The following TMC5 variants were observed in gnomAD, a reference collection of about 807,000 sequenced individuals.
TMC5 encodes the protein transmembrane channel-like protein 5.
A neutral mutation model predicts 110.5 loss-of-function variants in TMC5; 86 were observed. The observed-to-expected ratio is 0.78, with a 90% CI of 0.65 to 0.93. The LOEUF (loss-of-function observed/expected upper bound fraction) is 0.93, where lower values mean the gene tolerates loss of function less well. TMC5 is among the 40% of genes least tolerant of loss of function. The probability of loss-of-function intolerance (pLI) is 0.00; values close to 1 mark genes in which losing one functional copy is unlikely to be tolerated. For missense variants in TMC5, 1,144 were observed against 1,222.8 expected, an observed-to-expected ratio of 0.94 and a Z score of 0.96; for synonymous variants, 455 against 439.5, an observed-to-expected ratio of 1.04 and a Z score of -0.44.
intron 1 of TMC5, chr16:19,411,421 A>G (rs1966855549): frequency 6.6e-6 from 1 of 152,162 alleles, no homozygotes; most frequent in African/African-American, 2.4e-5. Context: ...AATCTACGAA[A>G]TAGGGTCTCC....
rs774765487 is a variant in TMC5 at position 19,490,351 on chromosome 16, C to G, written c.2574-44C>G. 8 of 1,600,174 alleles carry G rather than the reference C, an allele frequency of 5.0e-6. No homozygotes were observed. The South Asian group carries it at 6.7e-5, about 13-fold the overall frequency. On this transcript the variant is annotated intron_variant, in intron 17 of 21. Coordinates refer to ENST00000542583, the MANE Select transcript of TMC5 (RefSeq NM_001261841.2). Reference sequence around the variant, plus strand: ...CACCCTGATTCTAGAATAACCATCCCTGAGTCTTGTGCTAGAGATGTTCTT... The same window carrying G: ...CACCCTGATTCTAGAATAACCATCCGTGAGTCTTGTGCTAGAGATGTTCTT...
intron 1 of TMC5, among the ~76,000 whole-genome samples, chr16:19,412,707 G>A (rs888028726): frequency 3.3e-5 from 5 of 152,246 alleles, no homozygotes; most frequent in East Asian, 3.9e-4. Context: ...TGAAACACTC[G>A]GAACAGTGCC....
rs1174324935 is a variant in TMC5 at position 19,497,158 on chromosome 16, G to T, written c.2969G>T (p.Ser990Ile). 1 of 1,613,848 alleles carries T rather than the reference G, an allele frequency of 6.2e-7. No individual in the cohort carries two copies. The highest frequency in any genetic ancestry group is 1.7e-5 in the Admixed American group (1 of 60,016). The change falls in exon 21 of 22, where the codon AGT becomes ATT. Residue 990 changes from serine to isoleucine, a missense_variant. Coordinates refer to ENST00000542583, the MANE Select transcript of TMC5 (RefSeq NM_001261841.2). The part of the protein sequence containing the change: ...GFLHLGEHDG[S>I]LDLRSRRSVQ... ...TTGCATTTGGGGGAACATGATGGCA[G>T]TCTTGGTGAGTAATTAAACTGGGAC...
chr16:19,473,127 C>A (rs1027523790), intron 11 of TMC5, among the ~76,000 whole-genome samples: 12 of 152,092 alleles, frequency 7.9e-5, no homozygotes, highest in Non-Finnish European at 1.8e-4. Flanking sequence ...AGGCAGATCA[C>A]TTGAGATCAG....
chr16:19,436,983 C>G (rs537706947), intron 2 of TMC5, among the ~76,000 whole-genome samples: 3 of 152,204 alleles, frequency 2.0e-5, no homozygotes, highest in South Asian at 2.1e-4. Context: ...TGAAACCAGC[C>G]TGGGCAACAT....
chr16:19,447,525 A>G (rs1967640853), intron 4 of TMC5, among the ~76,000 whole-genome samples: 1 of 152,142 alleles, frequency 6.6e-6, no homozygotes, highest in African/African-American at 2.4e-5. Context: ...ATCATTTCAC[A>G]TGTGTTCACT....
chr16:19,439,921 GA>G (rs1283817492), intron 2 of TMC5, 38 bp from the exon 3 acceptor site: 15 of 897,316 alleles, frequency 1.7e-5, no homozygotes, highest in Middle Eastern at 3.6e-4. Context: ...GGAAGAAAGG[GA>G]AAAAAATCTG....
chr16:19,474,542 G>C (rs1168991227), intron 12 of TMC5, among the ~76,000 whole-genome samples: 1 of 152,022 alleles, frequency 6.6e-6, no homozygotes, highest in Admixed American at 6.6e-5. Flanking sequence ...TGGATGCAGT[G>C]GCATGCACCT....
chr16:19,452,250 T>C (rs1267206801), intron 5 of TMC5, among the ~76,000 whole-genome samples: 1 of 152,180 alleles, frequency 6.6e-6, no homozygotes, highest in Admixed American at 6.5e-5. Context: ...GATGAAGAGA[T>C]GCATTAGGTG....
chr16:19,463,257 T>G (rs1481422784), intron 6 of TMC5, 23 bp from the exon 7 acceptor site: 1 of 1,578,926 alleles, frequency 6.3e-7, no homozygotes, highest in Non-Finnish European at 8.7e-7. Context: ...GTATCTCTCA[T>G]TTTCTCTTGC....
chr16:19,414,396 G>A (rs151098192), upstream of TMC5, among the ~76,000 whole-genome samples: 4 of 152,192 alleles, frequency 2.6e-5, no homozygotes, highest in African/African-American at 9.6e-5. Context: ...TTCATAGAAG[G>A]TGAAAAACTC....
chr16:19,460,450 C>T, intron 6 of TMC5, 116 bp downstream of exon 6: 1 of 678,028 alleles, frequency 1.5e-6, no homozygotes, highest in Non-Finnish European at 2.4e-6. Context: ...GACAAATATT[C>T]CTGACAGAAA....
intron 11 of TMC5, 35 bp from the exon 12 acceptor site, chr16:19,474,090 A>T: frequency 6.2e-7 from 1 of 1,606,732 alleles, no homozygotes; most frequent in East Asian, 2.2e-5. Context: ...ACAGTGTACA[A>T]GTCAGCCCTC....
chr16:19,484,181 C>T (rs544533364), intron 15 of TMC5, among the ~76,000 whole-genome samples: 7 of 151,980 alleles, frequency 4.6e-5, no homozygotes, highest in Non-Finnish European at 1.0e-4. Flanking sequence ...TGTCATACAA[C>T]GGGAAAGTTT....
At chr16:19,466,713 T>C (rs28759224) in intron 9 of TMC5, among the ~76,000 whole-genome samples, 36,196 of 151,946 alleles carry the variant, frequency 0.24, 5,458 homozygotes, top group East Asian at 0.51. Context: ...AAAATAGGAG[T>C]TTGGACAGAG....
intron 4 of TMC5, among the ~76,000 whole-genome samples, chr16:19,446,220 A>G (rs965992287): frequency 1.3e-5 from 2 of 152,168 alleles, no homozygotes; most frequent in Non-Finnish European, 2.9e-5. Flanking sequence ...TATTCCAAGC[A>G]TTCCTCCACA....
At chr16:19,493,461 C>CTTT (rs879675265) in intron 19 of TMC5, among the ~76,000 whole-genome samples, 66 of 52,536 alleles carry the variant, frequency 1.3e-3, no homozygotes, top group African/African-American at 3.6e-3. Context: ...CTCTCTCTCT[C>CTTT]TCTCTTTTTT....
At position 19,479,943 on chromosome 16, in the gene TMC5, A is replaced by T. The variant is rs1335212836; in HGVS notation, c.2267+415A>T. On this transcript the variant is annotated intron_variant, in intron 14 of 21. Transcript: ENST00000542583. ...ACTCTGTCTCTATCCAAAAAAAAAAAAAAAGAAGAAGAAGAAGAAAAAGGC... is the reference window on the plus strand; with the variant it reads ...ACTCTGTCTCTATCCAAAAAAAAAATAAAAGAAGAAGAAGAAGAAAAAGGC... Among the ~76,000 whole-genome samples, 5 of 151,958 alleles carry T rather than the reference A, an allele frequency of 3.3e-5. No individual in the cohort carries two copies. The East Asian group carries it at 9.6e-4, about 29-fold the overall frequency.
At position 19,489,806 on chromosome 16, in the gene TMC5, T is replaced by TC. The variant is rs1320660155; in HGVS notation, c.2574-588dup. On this transcript the variant is annotated intron_variant, in intron 17 of 21. Transcript: ENST00000542583. ...CTTTAATTTCATTTCTTTTTTTTTT[T>TC]CAGACAGGGTCTTGCTCTGTTGCCC... Among the ~76,000 whole-genome samples the TC allele has an allele frequency of 3.9e-5, 6 of 151,924 alleles. No individual in the cohort carries two copies. The East Asian group carries it at 1.2e-3, about 29-fold the overall frequency.
Sources: gnomAD v4.1 joint callset for allele counts (sites outside exome capture counted in the v4.1 genomes callset) on GRCh38, gnomAD v4.1.1 for gene constraint, MANE v1.5 for transcripts, NCBI Gene and HGNC (gene_info 2026-07-23, HGNC 2026-07-21) for gene names.